Variants in GGA3 observed in about 807,000 individuals in gnomAD.
GGA3 encodes the protein golgi associated, gamma adaptin ear containing, ARF binding protein 3.
Under a neutral mutation model 77.5 loss-of-function variants are expected in GGA3, and 57 were observed. The observed-to-expected ratio is 0.74, with a 90% confidence interval of 0.59 to 0.92. GGA3 has a LOEUF of 0.92. GGA3 is among the 40% of genes least tolerant of loss of function. The pLI is 0.00. For missense variants in GGA3, 970 were observed against 914.9 expected, an observed-to-expected ratio of 1.06 and a Z score of -0.78; for synonymous variants, 416 against 383.7, an observed-to-expected ratio of 1.08 and a Z score of -0.98.
rs542614831 is a variant in GGA3 at position 75,257,997 on chromosome 17, G to T, written c.40+3551C>A. Among the ~76,000 whole-genome samples the T allele has an allele frequency of 1.8e-3, 268 of 152,142 alleles. 3 individuals are homozygous for T. Among genetic ancestry groups the T allele is most frequent in the African/African-American group, 6.1e-3 (253 of 41,496 alleles). On this transcript the variant is annotated intron_variant, in intron 1 of 16. Transcript: ENST00000537686. The stretch of plus-strand genomic sequence containing the variant: ...CATTCCACCATTGTGATTTGTTTCT[G>T]CCCCACCCTAACTGATCAATGTACT...
Position 75,243,127 on chromosome 17 carries a change from G to C in GGA3, c.464C>G (p.Thr155Arg), listed in dbSNP as rs968580607. The stretch of plus-strand genomic sequence containing the variant: ...ACGAGGTGGTGGAGAGGGGATCAGC[G>C]TCCTATCCACAGGAATTGGTGGGTC... ...QSDPPIPVDR[T>R]LIPSPPPRPK... The change falls in exon 6 of 17, where the codon ACG becomes AGG. Residue 155 changes from threonine to arginine, a missense_variant. By Grantham distance (71) the Thr-to-Arg change is moderately conservative (BLOSUM62 -1). Coordinates refer to ENST00000537686, the MANE Select transcript of GGA3 (RefSeq NM_138619.4). 1.2e-6 allele frequency: 2 copies of C among 1,612,500 alleles called. No individual in the cohort carries two copies. The highest frequency in any genetic ancestry group is 2.7e-5 in the African/African-American group (2 of 74,796).
chr17:75,237,892 C>T lies in GGA3; in HGVS notation c.*387G>A, dbSNP rs2076375509. The T allele has an allele frequency of 1.5e-6, 2 of 1,376,362 alleles. No homozygotes were observed. The highest frequency in any genetic ancestry group is 1.9e-6 in the Non-Finnish European group (2 of 1,069,444). The allele number at this position is 1,376,362 out of a possible 1,614,324, so 85.3% of individuals were successfully genotyped here. On this transcript the variant is annotated 3_prime_UTR_variant, in exon 17 of 17. Coordinates refer to ENST00000537686, the MANE Select transcript of GGA3 (RefSeq NM_138619.4). ...AGGATGTGGCTCTTGTGGGGAATGA[C>T]CCATGACAGTCTCTCTTTAGAGACT...
At chr17:75,245,470 G>A (rs1333181803) in intron 3 of GGA3, among the ~76,000 whole-genome samples, 1 of 152,206 alleles carries the variant, frequency 6.6e-6, no homozygotes, top group Non-Finnish European at 1.5e-5. Flanking sequence ...AATGTTTCCA[G>A]ACACTGCCAA....
In GGA3 at chr17:75,237,653, G is replaced by C; in HGVS notation, c.*626C>G. On this transcript the variant is annotated 3_prime_UTR_variant, in exon 17 of 17. Coordinates refer to ENST00000537686, the MANE Select transcript of GGA3 (RefSeq NM_138619.4). Reference sequence around the variant, plus strand: ...TAGGACACAGCCTGCCACTGCCAGGGACAAGCACACAACTCATCACTCCGT... The same window carrying C: ...TAGGACACAGCCTGCCACTGCCAGGCACAAGCACACAACTCATCACTCCGT... The C allele has an allele frequency of 6.7e-7, 1 of 1,499,578 alleles. No individual in the cohort carries two copies. The highest frequency in any genetic ancestry group is 8.9e-7 in the Non-Finnish European group (1 of 1,126,704). 92.9% of individuals were successfully genotyped at this position (1,499,578 alleles called of 1,614,324 possible).
At chr17:75,260,329 T>C (rs985881809) in intron 1 of GGA3, among the ~76,000 whole-genome samples, 2 of 152,202 alleles carry the variant, frequency 1.3e-5, no homozygotes, top group African/African-American at 4.8e-5. Context: ...TGTCCTCTTT[T>C]TGTGAAATTA....
Position 75,243,454 on chromosome 17 carries a change from CTT to C in GGA3, c.415_416del (p.Lys139GlufsTer8). The stretch of plus-strand genomic sequence containing the variant: ...GGGCAGGCAGACACGTACCCTGTCT[CTT>C]CAGCATGTGGTAGGCGTCTTTGATC... ...AKIKDAYHMLKRQGIVQSDPP... is the reference protein window; with the variant it reads ...AKIKDAYHMLXRQGIVQSDPP... On this transcript the variant is annotated frameshift_variant, in exon 5 of 17. Coordinates refer to ENST00000537686, the MANE Select transcript of GGA3 (RefSeq NM_138619.4). LOFTEE classifies it high-confidence loss of function. 1 of 1,614,208 alleles carries C rather than the reference CTT, an allele frequency of 6.2e-7. No individual in the cohort carries two copies. The highest frequency in any genetic ancestry group is 8.5e-7 in the Non-Finnish European group (1 of 1,180,040).
chr17:75,240,432 C>G lies in GGA3; in HGVS notation c.1193-20G>C. The G allele has an allele frequency of 1.3e-6, 2 of 1,542,192 alleles. No individual in the cohort carries two copies. Among genetic ancestry groups the G allele is most frequent in the Non-Finnish European group, 1.8e-6 (2 of 1,126,594 alleles). ...CGAGGCCTGACAATAGAGAAGAAAACAGGATGAGAAGAGGCTCTGAGCTAG... is the reference window on the plus strand; with the variant it reads ...CGAGGCCTGACAATAGAGAAGAAAAGAGGATGAGAAGAGGCTCTGAGCTAG... On this transcript the variant is annotated intron_variant, in intron 11 of 16. Coordinates refer to ENST00000537686, the MANE Select transcript of GGA3 (RefSeq NM_138619.4).
At chr17:75,255,512 C>G (rs1437212760) in intron 1 of GGA3, among the ~76,000 whole-genome samples, 4 of 152,138 alleles carry the variant, frequency 2.6e-5, no homozygotes, top group Non-Finnish European at 5.9e-5. Context: ...ATCATGCACC[C>G]CTTACCATCT....
chr17:75,242,991 C>T, intron 6 of GGA3, 72 bp downstream of exon 6: 1 of 1,477,098 alleles, frequency 6.8e-7, no homozygotes, highest in South Asian at 1.1e-5. Flanking sequence ...CCCCGCAGCA[C>T]AGTGCAAACC....
intron 1 of GGA3, among the ~76,000 whole-genome samples, chr17:75,255,929 C>G (rs918583211): frequency 4.6e-5 from 7 of 152,224 alleles, no homozygotes; most frequent in African/African-American, 1.7e-4. Flanking sequence ...CTGGGCTGTA[C>G]TGCTGCAAGG....
chr17:75,260,905 G>T (rs939362185), intron 1 of GGA3, among the ~76,000 whole-genome samples: 1 of 151,818 alleles, frequency 6.6e-6, no homozygotes, highest in Non-Finnish European at 1.5e-5. Context: ...GATATTCAAG[G>T]GGGTATATGT....
At chr17:75,243,603 G>C (rs201008622) in intron 4 of GGA3, 33 bp from the exon 5 acceptor site, 6 of 1,609,018 alleles carry the variant, frequency 3.7e-6, no homozygotes, top group Middle Eastern at 1.7e-4. Flanking sequence ...GACCTAGTAA[G>C]TGCAGTTCGG....
intron 1 of GGA3, among the ~76,000 whole-genome samples, chr17:75,259,594 C>G (rs2077275227): frequency 6.6e-6 from 1 of 152,042 alleles, no homozygotes; most frequent in African/African-American, 2.4e-5. Context: ...TGATTTGATT[C>G]AACACAAGTG....
At chr17:75,241,316 C>T in intron 10 of GGA3, 84 bp downstream of exon 10, 1 of 917,912 alleles carries the variant, frequency 1.1e-6, no homozygotes, top group Non-Finnish European at 1.8e-6. Context: ...CACCACCACG[C>T]TGGCCAGCCT....
chr17:75,255,141 A>C (rs992753697), intron 1 of GGA3, among the ~76,000 whole-genome samples: 3 of 152,118 alleles, frequency 2.0e-5, no homozygotes, highest in African/African-American at 7.2e-5. Flanking sequence ...TCCTCTTCTT[A>C]ATCAATACGG....
In GGA3 at chr17:75,238,154, GC is replaced by G; in HGVS notation, c.*124del. 5 of 1,469,980 alleles carry G rather than the reference GC, an allele frequency of 3.4e-6. No homozygotes were observed. The highest frequency in any genetic ancestry group is 4.6e-4 in the Middle Eastern group (2 of 4,340). 91.1% of individuals were successfully genotyped at this position (1,469,980 alleles called of 1,614,324 possible). On this transcript the variant is annotated 3_prime_UTR_variant, in exon 17 of 17. Coordinates refer to ENST00000537686, the MANE Select transcript of GGA3 (RefSeq NM_138619.4). ...TTGGTTCTCAGCAGAAATGCCCAGG[GC>G]CCCTGTTCCACATCAAAGCTACAAG...
At position 75,239,830 on chromosome 17, in the gene GGA3, G is replaced by T; in HGVS notation, c.1542C>A (p.His514Gln). 1 of 1,613,958 alleles carries T rather than the reference G, an allele frequency of 6.2e-7. No homozygotes were observed. The highest frequency in any genetic ancestry group is 8.5e-7 in the Non-Finnish European group (1 of 1,180,040). Residue 514 changes from histidine (H) to glutamine (Q), a missense_variant, in exon 13 of 17, where the codon CAC (histidine) becomes CAA (glutamine). Transcript: ENST00000537686. Reference protein sequence around the residue: ...HGLALGNSALHHLDALDQLLE... With the variant: ...HGLALGNSALQHLDALDQLLE... ...GAAGCTGATCGAGGGCATCCAGGTGGTGCAGCGCGCTGTTGCCCAACGCCA... is the reference window on the plus strand; with the variant it reads ...GAAGCTGATCGAGGGCATCCAGGTGTTGCAGCGCGCTGTTGCCCAACGCCA...
In GGA3 at chr17:75,257,520, C is replaced by A. The variant is rs574072822; in HGVS notation, c.40+4028G>T. Among the ~76,000 whole-genome samples the A allele has an allele frequency of 2.0e-4, 31 of 152,318 alleles. 1 individual carries two copies. The highest frequency in any genetic ancestry group is 1.9e-4 in the East Asian group (1 of 5,188). On this transcript the variant is annotated intron_variant, in intron 1 of 16. Transcript: ENST00000537686. Reference sequence around the variant, plus strand: ...TATGCTGAATCTCCTTAGGCACTCTCTAATCAGATGTCCTAGGTCCTCCCA... The same window carrying A: ...TATGCTGAATCTCCTTAGGCACTCTATAATCAGATGTCCTAGGTCCTCCCA...
At position 75,257,283 on chromosome 17, in the gene GGA3, C is replaced by CA. The variant is rs1555591625; in HGVS notation, c.40+4264_40+4265insT. Among the ~76,000 whole-genome samples, 244 of 66,516 alleles carry CA rather than the reference C, an allele frequency of 3.7e-3. 17 individuals are homozygous for CA. The East Asian group carries it at 0.14, about 38-fold the overall frequency. The allele number at this position is 66,516 out of a possible 152,430, so 43.6% of individuals were successfully genotyped here. A position where few individuals can be genotyped will look rare whatever the true frequency, so the allele number is the denominator to read the frequency against. On this transcript the variant is annotated intron_variant, in intron 1 of 16. Transcript: ENST00000537686. ...ACCAGACCAACTTAGACTGTGCCCCCCCCCCCAAAAAAAACCTGTCATCAT... is the reference window on the plus strand; with the variant it reads ...ACCAGACCAACTTAGACTGTGCCCCCACCCCCCAAAAAAAACCTGTCATCAT...
Sources: gnomAD v4.1 joint callset for allele counts (sites outside exome capture counted in the v4.1 genomes callset) on GRCh38, gnomAD v4.1.1 for gene constraint, MANE v1.5 for transcripts, NCBI Gene and HGNC (gene_info 2026-07-23, HGNC 2026-07-21) for gene names.